The following LDLRAD3 variants were observed in gnomAD, a reference collection of about 807,000 sequenced individuals.
LDLRAD3 encodes low-density lipoprotein receptor class A domain-containing protein 3.
Under a neutral mutation model 29.4 loss-of-function variants are expected in LDLRAD3, and 20 were observed. The ratio of observed to expected loss-of-function variants is 0.68; its 90% CI spans 0.48 to 0.99. LDLRAD3 has a LOEUF of 0.99. LDLRAD3 is among the 50% of genes least tolerant of loss of function. The probability of loss-of-function intolerance (pLI) is 0.00; values close to 1 mark genes in which losing one functional copy is unlikely to be tolerated. For missense variants in LDLRAD3, 420 were observed against 454.3 expected (o/e 0.92, Z 0.69); for synonymous variants, 157 against 192.7 (o/e 0.81, Z 1.53).
chr11:35,988,431 T>G (rs1329127583), intron 1 of LDLRAD3, among the ~76,000 whole-genome samples: 1 of 152,192 alleles, frequency 6.6e-6, no homozygotes, highest in Non-Finnish European at 1.5e-5. Flanking sequence ...TGATTTTTGC[T>G]TTTCGAATTA....
chr11:36,147,647 T>C (rs1854217299), intron 4 of LDLRAD3, among the ~76,000 whole-genome samples: 1 of 152,194 alleles, frequency 6.6e-6, no homozygotes, highest in Non-Finnish European at 1.5e-5. Context: ...TATTAACAAT[T>C]CCTAAAACAA....
intron 1 of LDLRAD3, among the ~76,000 whole-genome samples, chr11:36,031,740 G>A (rs1852238486): frequency 6.6e-6 from 1 of 152,232 alleles, no homozygotes; most frequent in East Asian, 1.9e-4. Flanking sequence ...TGTCCATGAA[G>A]GGACCTGAAG....
intron 4 of LDLRAD3, chr11:36,197,574 C>T (rs757829017): frequency 6.6e-6 from 1 of 152,368 alleles, no homozygotes; most frequent in Non-Finnish European, 1.5e-5. Flanking sequence ...CAAGTGTTAG[C>T]TGCCACTGCT....
intron 4 of LDLRAD3, among the ~76,000 whole-genome samples, chr11:36,150,402 C>T (rs1485709396): frequency 6.6e-6 from 1 of 152,078 alleles, no homozygotes; most frequent in Non-Finnish European, 1.5e-5. Context: ...GTACCACACG[C>T]CTGTAGTCCC....
chr11:36,176,027 T>C (rs929316885), intron 4 of LDLRAD3, among the ~76,000 whole-genome samples: 1 of 152,248 alleles, frequency 6.6e-6, no homozygotes, highest in Non-Finnish European at 1.5e-5. Flanking sequence ...GATATTTTCC[T>C]GTTGGACTAA....
At chr11:36,000,537 A>T (rs553176138) in intron 1 of LDLRAD3, among the ~76,000 whole-genome samples, 1 of 152,222 alleles carries the variant, frequency 6.6e-6, no homozygotes, top group Non-Finnish European at 1.5e-5. Flanking sequence ...AAATTTATGA[A>T]TTTGGGGTCT....
At chr11:36,052,187 G>A (rs1241327147) in intron 2 of LDLRAD3, among the ~76,000 whole-genome samples, 7 of 152,216 alleles carry the variant, frequency 4.6e-5, no homozygotes, top group Non-Finnish European at 7.3e-5. Flanking sequence ...CTAAGTCCAG[G>A]CAGATGCATT....
At chr11:35,983,799 A>G (rs992643420) in intron 1 of LDLRAD3, among the ~76,000 whole-genome samples, 1 of 151,776 alleles carries the variant, frequency 6.6e-6, no homozygotes, top group African/African-American at 2.4e-5. Flanking sequence ...ATTCTTTTGT[A>G]TTTTTAGTAG....
chr11:36,196,884 C>T (rs915558362), intron 4 of LDLRAD3: 1 of 152,138 alleles, frequency 6.6e-6, no homozygotes. Flanking sequence ...GTGGTAGCTC[C>T]CTATCCATTC....
chr11:36,020,313 C>T (rs538025836), intron 1 of LDLRAD3, among the ~76,000 whole-genome samples: 1 of 152,072 alleles, frequency 6.6e-6, no homozygotes, highest in South Asian at 2.1e-4. Flanking sequence ...TTCCTATGCC[C>T]GCTCCTACCT....
intron 2 of LDLRAD3, among the ~76,000 whole-genome samples, chr11:36,044,433 A>C (rs1009195248): frequency 6.6e-6 from 1 of 152,034 alleles, no homozygotes; most frequent in African/African-American, 2.4e-5. Context: ...AGCTGACCCT[A>C]TTCCCTCAAA....
intron 2 of LDLRAD3, among the ~76,000 whole-genome samples, chr11:36,049,967 T>C (rs987781715): frequency 6.6e-6 from 1 of 152,200 alleles, no homozygotes; most frequent in African/African-American, 2.4e-5. Context: ...GTTGTTTGCC[T>C]CTCCTGCTCT....
chr11:36,007,003 C>G (rs928816423), intron 1 of LDLRAD3, among the ~76,000 whole-genome samples: 1 of 152,220 alleles, frequency 6.6e-6, no homozygotes, highest in South Asian at 2.1e-4. Flanking sequence ...CTGGGTTACT[C>G]TGTCCCCAGC....
chr11:36,051,985 CAG>C (rs145418364), intron 2 of LDLRAD3, among the ~76,000 whole-genome samples: 14,518 of 152,152 alleles, frequency 0.095, 901 homozygotes, highest in Admixed American at 0.15. Flanking sequence ...TTCTTAGAAA[CAG>C]AGTGGAGCCC....
chr11:36,000,620 T>C (rs1055476882), intron 1 of LDLRAD3, among the ~76,000 whole-genome samples: 5 of 152,182 alleles, frequency 3.3e-5, no homozygotes, highest in Non-Finnish European at 5.9e-5. Flanking sequence ...TTAAACGGTA[T>C]GTCTAGAGAA....
At chr11:35,945,470 G>A (rs566027527) in intron 1 of LDLRAD3, among the ~76,000 whole-genome samples, 7 of 152,184 alleles carry the variant, frequency 4.6e-5, no homozygotes, top group Non-Finnish European at 8.8e-5. Flanking sequence ...ACCTCCTGGT[G>A]ACTGCTGTGG....
chr11:36,036,714 A>C (rs1402171202), intron 2 of LDLRAD3, among the ~76,000 whole-genome samples: 1 of 152,178 alleles, frequency 6.6e-6, no homozygotes, highest in African/African-American at 2.4e-5. Flanking sequence ...GCATCCTGCC[A>C]AGTATTCAGC....
intron 1 of LDLRAD3, among the ~76,000 whole-genome samples, chr11:35,969,048 C>T (rs56034529): frequency 0.021 from 3,210 of 152,276 alleles, 123 homozygotes; most frequent in African/African-American, 0.073. Flanking sequence ...AGGTTCCAGC[C>T]GTGGAATCCA....
At chr11:36,087,715 A>T (rs951951698) in intron 3 of LDLRAD3, among the ~76,000 whole-genome samples, 3 of 148,776 alleles carry the variant, frequency 2.0e-5, no homozygotes, top group Admixed American at 6.7e-5. Flanking sequence ...AGTATATATA[A>T]TTTTTTTTTT....
Sources: allele counts gnomAD v4.1 joint callset (sites outside exome capture counted in the v4.1 genomes callset), GRCh38; gene constraint gnomAD v4.1.1; transcripts MANE v1.5; gene names NCBI Gene and HGNC (gene_info 2026-07-23, HGNC 2026-07-21).